Variants in SRCAP observed in about 807,000 individuals in gnomAD.
The protein encoded by SRCAP is Snf2 related CREBBP activator protein.
A neutral mutation model predicts 263.1 loss-of-function variants in SRCAP; 46 were observed. That is an observed-to-expected ratio of 0.17 (90% CI 0.14 to 0.22). SRCAP has a LOEUF of 0.22. SRCAP is among the 10% of genes least tolerant of loss of function. The probability of loss-of-function intolerance (pLI) is 1.00; values close to 1 mark genes in which losing one functional copy is unlikely to be tolerated. For synonymous variants in SRCAP, 1,813 were observed against 1,662.1 expected (o/e 1.09, Z -2.21); for missense variants, 3,695 against 4,181.9 (o/e 0.88, Z 3.21).
At chr16:30,701,081 C>T (rs1041146386) in intron 3 of SRCAP, among the ~76,000 whole-genome samples, 6 of 152,076 alleles carry the variant, frequency 3.9e-5, no homozygotes, top group Admixed American at 1.3e-4. Flanking sequence ...AGTGTAAAAG[C>T]GCCTCGTTAC....
At chr16:30,729,925 G>C (rs945248091) in intron 27 of SRCAP, among the ~76,000 whole-genome samples, 12 of 152,212 alleles carry the variant, frequency 7.9e-5, no homozygotes, top group African/African-American at 2.9e-4. Flanking sequence ...ACGCCACCAT[G>C]CCTGGCTAAT....
chr16:30,716,262 G>A (rs2052948435), intron 17 of SRCAP, 31 bp from the exon 18 acceptor site: 15 of 1,613,310 alleles, frequency 9.3e-6, no homozygotes, highest in East Asian at 2.2e-5. Flanking sequence ...TGGCTGTTAG[G>A]ACGTCTCATT....
rs540999690 is a variant in SRCAP, at chr16:30,738,160, C to T, written c.8120C>T (p.Ala2707Val). 4.3e-6 allele frequency: 7 copies of T among 1,614,206 alleles called. No homozygotes were observed. The South Asian group carries it at 5.5e-5, about 13-fold the overall frequency. ...GCAGCTCCATCCACCTCATCTTCAG[C>T]CACTTCCTCGCCTGAGGGTCCTTCA... ...EVAAPSTSSS[A>V]TSSPEGPSPA... Residue 2707 changes from alanine (A) to valine (V), a missense_variant, in exon 34 of 34, where the codon GCC (alanine) becomes GTC (valine). Around this residue, in one of 12 missense-constraint regions of SRCAP, gnomAD observed 1,207 missense variants for 1,142.9 expected, o/e 1.06. Transcript: ENST00000262518.
intron 4 of SRCAP, among the ~76,000 whole-genome samples, chr16:30,706,088 T>C (rs2052824470): frequency 6.6e-6 from 1 of 152,196 alleles, no homozygotes; most frequent in South Asian, 2.1e-4. Context: ...TTTCCTTCAC[T>C]GTCAGGCCAT....
chr16:30,736,178 T>C (rs2053159197), intron 31 of SRCAP, 22 bp from the exon 32 acceptor site: 1 of 1,612,444 alleles, frequency 6.2e-7, no homozygotes, highest in African/African-American at 1.3e-5. Flanking sequence ...ATGTTTTCTT[T>C]TTCTTTTATA....
chr16:30,728,434 C>T (rs975531257), intron 25 of SRCAP, among the ~76,000 whole-genome samples: 1 of 152,164 alleles, frequency 6.6e-6, no homozygotes, highest in Non-Finnish European at 1.5e-5. Context: ...GTCCTCACTG[C>T]CGGGTTGCCC....
rs72793372 is a variant in SRCAP, at chr16:30,707,552, C to T, written c.493-20C>T. ...AAGTCTGGCTTTGAGTGTTTTCACCCTGGGTCTTCATTCCCACAGGTGGTG... is the reference window on the plus strand; with the variant it reads ...AAGTCTGGCTTTGAGTGTTTTCACCTTGGGTCTTCATTCCCACAGGTGGTG... On this transcript the variant is annotated intron_variant, in intron 5 of 33. Transcript: ENST00000262518. 0.19 allele frequency: 309,532 copies of T among 1,610,278 alleles called. 33,338 individuals are homozygous for T. The highest frequency in any genetic ancestry group is 0.22 in the Non-Finnish European group (261,755 of 1,178,098).
intron 31 of SRCAP, among the ~76,000 whole-genome samples, chr16:30,735,194 T>G (rs1195021681): frequency 1.4e-5 from 2 of 144,228 alleles, no homozygotes; most frequent in South Asian, 4.4e-4. Context: ...TCGCCCAGGC[T>G]GGAGTGCAGT....
chr16:30,708,918 A>G (rs1440366136), intron 6 of SRCAP, among the ~76,000 whole-genome samples: 1 of 152,116 alleles, frequency 6.6e-6, no homozygotes, highest in East Asian at 1.9e-4. Flanking sequence ...TCCCAGGTTC[A>G]AGCGATTCTC....
intron 18 of SRCAP, 149 bp downstream of exon 18, chr16:30,716,628 TAACGATGGTTC>T: frequency 1.4e-6 from 1 of 734,846 alleles, no homozygotes; most frequent in Non-Finnish European, 2.2e-6. Flanking sequence ...CCATGTGACT[TAACGATGGTTC>T]AACTTAATAT....
chr16:30,730,209 T>C (rs1201749301), intron 27 of SRCAP, among the ~76,000 whole-genome samples: 3 of 152,232 alleles, frequency 2.0e-5, no homozygotes, highest in African/African-American at 7.2e-5. Flanking sequence ...TATTTAGCTG[T>C]ATGGGAAAAG....
Position 30,724,681 on chromosome 16 carries a change from C to T in SRCAP, c.5257C>T (p.Pro1753Ser), listed in dbSNP as rs141977752. 4.3e-6 allele frequency: 7 copies of T among 1,614,044 alleles called. No individual in the cohort carries two copies. Among genetic ancestry groups the T allele is most frequent in the Non-Finnish European group, 4.2e-6 (5 of 1,180,024 alleles). ...GACGCTGTCTCTGGCTCCAGCACCCCCTCTGGCTCCAGCTTCTCCAGTGGG... is the reference window on the plus strand; with the variant it reads ...GACGCTGTCTCTGGCTCCAGCACCCTCTCTGGCTCCAGCTTCTCCAGTGGG... Reference protein sequence around the residue: ...TQTLSLAPAPPLAPASPVGPA... With the variant: ...TQTLSLAPAPSLAPASPVGPA... Residue 1753 changes from proline to serine, a missense_variant, in exon 25 of 34, where the codon CCT (proline) becomes TCT (serine). By Grantham distance (74) the Pro-to-Ser change is moderately conservative. Coordinates refer to ENST00000262518, the MANE Select transcript of SRCAP (RefSeq NM_006662.3).
intron 16 of SRCAP, among the ~76,000 whole-genome samples, chr16:30,714,501 G>T (rs2052925804): frequency 9.6e-5 from 2 of 20,936 alleles, no homozygotes; most frequent in East Asian, 2.0e-3. Flanking sequence ...GAGCCACCGT[G>T]CCGGGCTTTT....
At chr16:30,717,372 C>T (rs893987377) in intron 18 of SRCAP, among the ~76,000 whole-genome samples, 1 of 152,026 alleles carries the variant, frequency 6.6e-6, no homozygotes, top group Non-Finnish European at 1.5e-5. Flanking sequence ...GTATGACTTG[C>T]AAATATTTTG....
At position 30,709,754 on chromosome 16, in the gene SRCAP, C is replaced by T. The variant is rs1344068856; in HGVS notation, c.856+19C>T. 6.2e-7 allele frequency: 1 copy of T among 1,614,118 alleles called. No homozygotes were observed. Among genetic ancestry groups the T allele is most frequent in the Admixed American group, 1.7e-5 (1 of 60,008 alleles). On this transcript the variant is annotated intron_variant, in intron 7 of 33. Transcript: ENST00000262518. ...GATGAAGGTGTGTGTTCTCTTTGGT[C>T]CTGTTACTCTTCCTCATGTACCCTT... is the stretch of plus-strand genomic sequence containing the variant.
At chr16:30,710,215 A>ATG in intron 8 of SRCAP, 87 bp downstream of exon 8, 1 of 1,431,880 alleles carries the variant, frequency 7.0e-7, no homozygotes, top group Middle Eastern at 2.4e-4. Flanking sequence ...GAGGTTGGTT[A>ATG]TGAGTTTTAG....
At position 30,713,385 on chromosome 16, in the gene SRCAP, T is replaced by TG. The variant is rs557150142; in HGVS notation, c.2300+10dup. ...ACTCCTCAACTTCAACAGGTGGAGA[T>TG]GGAGATGGGGATTCATGGGAGGGTT... On this transcript the variant is annotated intron_variant, in intron 15 of 33. Transcript: ENST00000262518. The TG allele has an allele frequency of 2.3e-4, 377 of 1,613,876 alleles. 1 individual carries two copies. Among genetic ancestry groups the TG allele is most frequent in the Non-Finnish European group, 3.1e-4 (365 of 1,179,954 alleles).
At position 30,720,230 on chromosome 16, in the gene SRCAP, A is replaced by G; in HGVS notation, c.2886A>G (p.Thr962=). The G allele has an allele frequency of 6.2e-7, 1 of 1,614,056 alleles. No individual in the cohort carries two copies. The highest frequency in any genetic ancestry group is 8.5e-7 in the Non-Finnish European group (1 of 1,179,976). The stretch of plus-strand genomic sequence containing the variant: ...GTGTCTCTCGATATGAGGCAGACAC[A>G]TTTCTGCCCCGGCACCGCCTCTCTC... ...EGRVSRYEAD[T]FLPRHRLSRR... Residue 962 remains threonine, a synonymous_variant, in exon 19 of 34, where the codon ACA becomes ACG. Transcript: ENST00000262518.
chr16:30,700,355 A>G (rs2052752273), intron 2 of SRCAP, among the ~76,000 whole-genome samples: 1 of 152,210 alleles, frequency 6.6e-6, no homozygotes, highest in Admixed American at 6.6e-5. Context: ...TCCTTTCTGC[A>G]TGGCTATATC....
Sources: gnomAD v4.1 joint callset for allele counts (sites outside exome capture counted in the v4.1 genomes callset) on GRCh38, gnomAD v4.1.1 for gene constraint, gnomAD v4.1.1 regional missense constraint, MANE v1.5 for transcripts, NCBI Gene and HGNC (gene_info 2026-07-23, HGNC 2026-07-21) for gene names.